Variants in KCNC2 observed in about 807,000 individuals in gnomAD.
The protein encoded by KCNC2 is potassium voltage-gated channel subfamily C member 2.
In KCNC2, 21 loss-of-function variants were observed where a neutral mutation model predicts 44.5. The observed-to-expected ratio is 0.47, with a 90% CI of 0.33 to 0.68. The LOEUF (loss-of-function observed/expected upper bound fraction) is 0.68, where lower values mean the gene tolerates loss of function less well. Among genes scored for constraint, KCNC2 ranks in the 30% least tolerant of loss-of-function variants. The probability of loss-of-function intolerance (pLI) is 0.01; values close to 1 mark genes in which losing one functional copy is unlikely to be tolerated. For missense variants in KCNC2, 589 were observed against 826.2 expected, an observed-to-expected ratio of 0.71 and a Z score of 3.52; for synonymous variants, 391 against 339.1, an observed-to-expected ratio of 1.15 and a Z score of -1.68.
intron 4 of KCNC2, among the ~76,000 whole-genome samples, chr12:75,044,128 T>C (rs1880219258): frequency 6.6e-6 from 1 of 151,990 alleles, no homozygotes; most frequent in Non-Finnish European, 1.5e-5. Flanking sequence ...CATATTTTAG[T>C]ATTTTTTATT....
intron 2 of KCNC2, among the ~76,000 whole-genome samples, chr12:75,204,833 C>A (rs1406982241): frequency 6.6e-6 from 1 of 151,688 alleles, no homozygotes; most frequent in Admixed American, 6.6e-5. Flanking sequence ...TTCAGCCAAC[C>A]CCTAGGAATT....
At chr12:75,133,547 A>G (rs1197006686) in intron 2 of KCNC2, among the ~76,000 whole-genome samples, 1 of 151,998 alleles carries the variant, frequency 6.6e-6, no homozygotes, top group Non-Finnish European at 1.5e-5. Flanking sequence ...AGTGATTCCA[A>G]TTAAGTCAAA....
chr12:75,193,353 G>A (rs1035090243), intron 2 of KCNC2, among the ~76,000 whole-genome samples: 21 of 152,214 alleles, frequency 1.4e-4, no homozygotes, highest in African/African-American at 4.3e-4. Flanking sequence ...TTCAATATAG[G>A]TAAAGAAAAG....
At chr12:75,106,211 G>A (rs1001829521) in intron 2 of KCNC2, among the ~76,000 whole-genome samples, 23 of 152,176 alleles carry the variant, frequency 1.5e-4, no homozygotes, top group Admixed American at 7.9e-4. Context: ...TCATGGTGAT[G>A]GGTGAACTTG....
chr12:75,168,102 A>G (rs945419666), intron 2 of KCNC2, among the ~76,000 whole-genome samples: 2 of 144,570 alleles, frequency 1.4e-5, no homozygotes, highest in Admixed American at 1.4e-4. Flanking sequence ...TGCCCTCCTA[A>G]AACTGAAAAA....
chr12:75,095,272 A>C (rs980701188), intron 2 of KCNC2, among the ~76,000 whole-genome samples: 1 of 151,806 alleles, frequency 6.6e-6, no homozygotes, highest in Admixed American at 6.6e-5. Flanking sequence ...CAACTCTATT[A>C]TATTCTCTTA....
chr12:75,104,695 T>TC (rs1271649025), intron 2 of KCNC2, among the ~76,000 whole-genome samples: 13 of 152,130 alleles, frequency 8.5e-5, no homozygotes, highest in African/African-American at 3.1e-4. Context: ...TTTTCAAATA[T>TC]CAATTTATTT....
intron 2 of KCNC2, among the ~76,000 whole-genome samples, chr12:75,105,631 T>G (rs1886722681): frequency 6.6e-6 from 1 of 152,150 alleles, no homozygotes; most frequent in Admixed American, 6.5e-5. Flanking sequence ...GAAACAGAAT[T>G]TCCTAAGGAA....
intron 2 of KCNC2, among the ~76,000 whole-genome samples, chr12:75,179,552 AGAC>A (rs1344131614): frequency 6.6e-6 from 1 of 151,522 alleles, no homozygotes; most frequent in East Asian, 1.9e-4. Flanking sequence ...TATGCATGTT[AGAC>A]TCCATATTTT....
At position 75,186,675 on chromosome 12, in the gene KCNC2, A is replaced by G. The variant is rs189604034; in HGVS notation, c.687+20622T>C. Among the ~76,000 whole-genome samples, 590 of 152,308 alleles carry G rather than the reference A, an allele frequency of 3.9e-3. 6 individuals are homozygous for G. In the Middle Eastern group the frequency reaches 0.054, roughly 14 times the overall value. ...AAACAATTTTGCCAATTACAAAGAC[A>G]ACAGCATTTCAGCAGACTTCCCCTT... On this transcript the variant is annotated intron_variant, in intron 2 of 4. Coordinates refer to ENST00000549446, the MANE Select transcript of KCNC2 (RefSeq NM_139137.4).
chr12:75,120,766 GA>G (rs1259490823), intron 2 of KCNC2, among the ~76,000 whole-genome samples: 1 of 152,174 alleles, frequency 6.6e-6, no homozygotes, highest in African/African-American at 2.4e-5. Context: ...AATTATTTGA[GA>G]GGGGCTCCAT....
intron 2 of KCNC2, among the ~76,000 whole-genome samples, chr12:75,077,968 A>G (rs1041410933): frequency 6.6e-6 from 1 of 152,112 alleles, no homozygotes; most frequent in Non-Finnish European, 1.5e-5. Flanking sequence ...GGAAATCCAT[A>G]GTTATTATTG....
intron 2 of KCNC2, among the ~76,000 whole-genome samples, chr12:75,062,277 A>T (rs1882420505): frequency 6.6e-6 from 1 of 152,104 alleles, no homozygotes; most frequent in Non-Finnish European, 1.5e-5. Flanking sequence ...CTCAGAAAAG[A>T]AAAGCTAGAC....
At chr12:75,107,607 A>G (rs189403897) in intron 2 of KCNC2, among the ~76,000 whole-genome samples, 57 of 152,176 alleles carry the variant, frequency 3.7e-4, no homozygotes, top group Non-Finnish European at 5.9e-4. Flanking sequence ...CATAAAATAC[A>G]TCTGTTTATT....
chr12:75,076,758 T>C (rs911284865), intron 2 of KCNC2, among the ~76,000 whole-genome samples: 1 of 152,226 alleles, frequency 6.6e-6, no homozygotes, highest in African/African-American at 2.4e-5. Context: ...AGGCAAGTTG[T>C]TGCCTTGCTA....
chr12:75,149,668 G>A (rs1265632321), intron 2 of KCNC2, among the ~76,000 whole-genome samples: 1 of 151,082 alleles, frequency 6.6e-6, no homozygotes, highest in Non-Finnish European at 1.5e-5. Context: ...GTTTTAATTT[G>A]TCTTTTGAAT....
In KCNC2 at chr12:75,182,353, T is replaced by A. The variant is rs546020218; in HGVS notation, c.687+24944A>T. Among the ~76,000 whole-genome samples, 496 of 151,176 alleles carry A rather than the reference T, an allele frequency of 3.3e-3. 3 individuals carry two copies. The highest frequency in any genetic ancestry group is 5.9e-3 in the Non-Finnish European group (400 of 67,744). Reference sequence around the variant, plus strand: ...TCCTGGTTAACACGGTGAAACCCCATCTCTACTAAAAATACAAAAATTAGC... The same window carrying A: ...TCCTGGTTAACACGGTGAAACCCCAACTCTACTAAAAATACAAAAATTAGC... On this transcript the variant is annotated intron_variant, in intron 2 of 4. Coordinates refer to ENST00000549446, the MANE Select transcript of KCNC2 (RefSeq NM_139137.4).
At chr12:75,161,419 T>TTTGAACTCAAATGTTGAGTTCAAACAGAA (rs1173822762) in intron 2 of KCNC2, among the ~76,000 whole-genome samples, 1 of 151,772 alleles carries the variant, frequency 6.6e-6, no homozygotes, top group Non-Finnish European at 1.5e-5. Context: ...AAACATATTC[T>TTTGAACTCAAATGTTGAGTTCAAACAGAA]GTCAAATGTT....
chr12:75,096,290 C>T (rs998646603), intron 2 of KCNC2, among the ~76,000 whole-genome samples: 27 of 151,956 alleles, frequency 1.8e-4, no homozygotes, highest in Non-Finnish European at 1.2e-4. Context: ...TGAATGTCTT[C>T]CATTGTGTTC....
Sources: gnomAD v4.1 joint callset for allele counts (sites outside exome capture counted in the v4.1 genomes callset) on GRCh38, gnomAD v4.1.1 for gene constraint, MANE v1.5 for transcripts, NCBI Gene and HGNC (gene_info 2026-07-23, HGNC 2026-07-21) for gene names.